Variants in SDK1 observed in about 807,000 individuals in gnomAD.
SDK1 encodes the protein protein sidekick-1.
In SDK1, 157 loss-of-function variants were observed where a neutral mutation model predicts 245.5. The ratio of observed to expected loss-of-function variants is 0.64; its 90% CI spans 0.56 to 0.73. The LOEUF is 0.73. SDK1 is among the 30% of genes least tolerant of loss of function. The probability of loss-of-function intolerance (pLI) is 0.00; values close to 1 mark genes in which losing one functional copy is unlikely to be tolerated. For missense variants in SDK1, 3,583 were observed against 3,002.3 expected (o/e 1.19, Z -4.52); for synonymous variants, 1,647 against 1,278.5 (o/e 1.29, Z -6.15).
intron 4 of SDK1, among the ~76,000 whole-genome samples, chr7:3,665,272 C>T (rs912314325): frequency 2.6e-5 from 4 of 152,308 alleles, no homozygotes; most frequent in African/African-American, 9.6e-5. Context: ...CCTTGAGCCC[C>T]CTCTTTCACT....
chr7:3,915,841 T>C (rs1228846861), intron 5 of SDK1, among the ~76,000 whole-genome samples: 1 of 152,198 alleles, frequency 6.6e-6, no homozygotes, highest in Non-Finnish European at 1.5e-5. Context: ...AAACCTGGCC[T>C]GGCCACGTTT....
intron 35 of SDK1, among the ~76,000 whole-genome samples, chr7:4,186,794 C>G (rs1444519465): frequency 6.6e-6 from 1 of 152,164 alleles, no homozygotes; most frequent in African/African-American, 2.4e-5. Context: ...GCCTTGGAAT[C>G]TCCTGGGCCC....
intron 1 of SDK1, among the ~76,000 whole-genome samples, chr7:3,540,707 A>T (rs1779030644): frequency 6.6e-6 from 1 of 152,194 alleles, no homozygotes; most frequent in Non-Finnish European, 1.5e-5. Flanking sequence ...TGACACTGGT[A>T]TCACTTGGAC....
chr7:3,856,495 A>G (rs931098889), intron 5 of SDK1, among the ~76,000 whole-genome samples: 1 of 151,228 alleles, frequency 6.6e-6, no homozygotes, highest in Non-Finnish European at 1.5e-5. Context: ...AAAAAAAAAA[A>G]AAAAAAAGCA....
intron 35 of SDK1, among the ~76,000 whole-genome samples, chr7:4,189,514 C>G (rs1783071335): frequency 6.6e-6 from 1 of 152,154 alleles, no homozygotes; most frequent in Non-Finnish European, 1.5e-5. Flanking sequence ...GCAACTTTCA[C>G]CAAAAACAGA....
At chr7:3,646,316 T>G (rs1195034359) in intron 4 of SDK1, among the ~76,000 whole-genome samples, 1 of 144,736 alleles carries the variant, frequency 6.9e-6, no homozygotes, top group Non-Finnish European at 1.5e-5. Flanking sequence ...TATAATTAAA[T>G]GATTTTTTTT....
chr7:3,475,804 G>C (rs1041328719), intron 1 of SDK1, among the ~76,000 whole-genome samples: 5 of 151,988 alleles, frequency 3.3e-5, no homozygotes, highest in Non-Finnish European at 7.4e-5. Flanking sequence ...TTTCATAGTG[G>C]AACTGCATTT....
chr7:3,557,938 C>G (rs1779638246), intron 1 of SDK1, among the ~76,000 whole-genome samples: 1 of 152,072 alleles, frequency 6.6e-6, no homozygotes, highest in South Asian at 2.1e-4. Flanking sequence ...GAAAAGTATG[C>G]TTGTACATTG....
At chr7:3,966,999 T>G (rs1229372191) in intron 9 of SDK1, among the ~76,000 whole-genome samples, 1 of 152,210 alleles carries the variant, frequency 6.6e-6, no homozygotes, top group Non-Finnish European at 1.5e-5. Context: ...ACAAAAGCAG[T>G]CTTTTGGCTG....
chr7:3,454,457 C>T (rs1780615012), intron 1 of SDK1, among the ~76,000 whole-genome samples: 1 of 144,964 alleles, frequency 6.9e-6, no homozygotes, highest in Non-Finnish European at 1.5e-5. Flanking sequence ...AATTCTGTTA[C>T]AGGTGTGGGT....
intron 22 of SDK1, among the ~76,000 whole-genome samples, chr7:4,081,223 G>C (rs1461433056): frequency 6.6e-6 from 1 of 152,174 alleles, no homozygotes; most frequent in East Asian, 1.9e-4. Flanking sequence ...ATCCAGGCAG[G>C]CCTAGGAGTG....
At chr7:3,919,432 A>G (rs993234422) in intron 5 of SDK1, among the ~76,000 whole-genome samples, 1 of 152,226 alleles carries the variant, frequency 6.6e-6, no homozygotes, top group Admixed American at 6.5e-5. Context: ...GTCCTGCCCT[A>G]CACCCGTCAA....
At chr7:3,349,155 C>T (rs1274919052) in intron 1 of SDK1, among the ~76,000 whole-genome samples, 1 of 151,612 alleles carries the variant, frequency 6.6e-6, no homozygotes, top group African/African-American at 2.4e-5. Flanking sequence ...TCCTCAGTCC[C>T]CCATTGCCTT....
chr7:4,108,245 G>A (rs1783079295), intron 22 of SDK1, among the ~76,000 whole-genome samples: 1 of 152,186 alleles, frequency 6.6e-6, no homozygotes, highest in Admixed American at 6.5e-5. Context: ...GGATAGGGAG[G>A]CCTCAGTCCT....
chr7:3,765,112 CA>C (rs1206608493), intron 4 of SDK1, among the ~76,000 whole-genome samples: 6 of 151,670 alleles, frequency 4.0e-5, no homozygotes, highest in African/African-American at 1.2e-4. Flanking sequence ...ATACTGAGAG[CA>C]AAAAATTTGA....
chr7:4,252,412 A>G (rs895455875), intron 44 of SDK1, among the ~76,000 whole-genome samples: 1 of 152,144 alleles, frequency 6.6e-6, no homozygotes. Context: ...GCTGCATAGT[A>G]TTCCATGGTG....
intron 37 of SDK1, 78 bp from the exon 38 acceptor site, chr7:4,209,947 A>G (rs748329952): frequency 4.9e-6 from 6 of 1,225,724 alleles, no homozygotes; most frequent in Non-Finnish European, 6.6e-6. Context: ...TTTTTATTCT[A>G]TACGGAGGCA....
At chr7:3,530,569 GAAC>G (rs1216251987) in intron 1 of SDK1, among the ~76,000 whole-genome samples, 1 of 152,120 alleles carries the variant, frequency 6.6e-6, no homozygotes, top group African/African-American at 2.4e-5. Context: ...TTGATAGAAT[GAAC>G]AACAGAAGGA....
At chr7:4,028,434 A>C (rs1347907115) in intron 17 of SDK1, among the ~76,000 whole-genome samples, 1 of 152,234 alleles carries the variant, frequency 6.6e-6, no homozygotes, top group Non-Finnish European at 1.5e-5. Context: ...TGTGCAGGCA[A>C]ATCTCTCAGA....
Sources: allele counts gnomAD v4.1 joint callset (sites outside exome capture counted in the v4.1 genomes callset), GRCh38; gene constraint gnomAD v4.1.1; transcripts MANE v1.5; gene names NCBI Gene and HGNC (gene_info 2026-07-23, HGNC 2026-07-21).